The following PSMB2 variants were observed in gnomAD, a reference collection of about 807,000 sequenced individuals.
The protein encoded by PSMB2 is proteasome 20S subunit beta 2.
PSMB2 carries 13 observed loss-of-function variants against 25.7 expected under a neutral mutation model. The observed-to-expected ratio is 0.51, with a 90% confidence interval of 0.33 to 0.80. PSMB2 has a LOEUF of 0.80. Ranked by LOEUF, PSMB2 falls within the 30% of genes least tolerant of loss-of-function variation. PSMB2 has a pLI of 0.02. For synonymous variants in PSMB2, 87 were observed against 96.2 expected (o/e 0.90, Z 0.56); for missense variants, 202 against 259.0 (o/e 0.78, Z 1.51).
intron 3 of PSMB2, among the ~76,000 whole-genome samples, chr1:35,629,879 A>G (rs1045290663): frequency 2.6e-5 from 4 of 152,114 alleles, no homozygotes; most frequent in African/African-American, 9.7e-5. Context: ...ATAAAAATCC[A>G]CATTACCGGC....
At chr1:35,615,952 G>A (rs903037439) in intron 3 of PSMB2, among the ~76,000 whole-genome samples, 3 of 152,176 alleles carry the variant, frequency 2.0e-5, no homozygotes, top group African/African-American at 7.2e-5. Flanking sequence ...GACTTTGAAA[G>A]GAACAGTACA....
intron 3 of PSMB2, among the ~76,000 whole-genome samples, chr1:35,618,857 C>T (rs1184209113): frequency 6.6e-6 from 1 of 152,166 alleles, no homozygotes; most frequent in African/African-American, 2.4e-5. Context: ...AGTTAAACAC[C>T]TGACTTTCTT....
At position 35,600,240 on chromosome 1, in the gene PSMB2, G is replaced by A. The variant is rs919749354; in HGVS notation, c.*3027C>T. 3.0e-6 allele frequency: 3 copies of A among 985,198 alleles called. No homozygotes were observed. The highest frequency in any genetic ancestry group is 3.5e-5 in the African/African-American group (2 of 57,218). 61.0% of individuals were successfully genotyped at this position (985,198 alleles called of 1,614,324 possible). A position where few individuals can be genotyped will look rare whatever the true frequency, so the allele number is the denominator to read the frequency against. ...ATGTAGAGACAGGAGATAAAGAATG[G>A]CATAAAAATGATGCCCAGCTAAATG... On this transcript the variant is annotated 3_prime_UTR_variant, in exon 6 of 6. Transcript: ENST00000373237.
rs1015168587 is a variant in PSMB2, at chr1:35,612,021, T to C, written c.286-2613A>G. ...GGAATTCTAAGCCAGCTGTGCTAAG[T>C]AGAAAGGGTTCCTAACATCGCCTGG... On this transcript the variant is annotated intron_variant, in intron 3 of 5. Transcript: ENST00000373237. 4.6e-5 allele frequency among the ~76,000 whole-genome samples: 7 copies of C among 152,048 alleles called. No individual in the cohort carries two copies. In the East Asian group the frequency reaches 1.3e-3, roughly 29 times the overall value.
chr1:35,629,460 ATAAG>A (rs997789365), intron 3 of PSMB2, among the ~76,000 whole-genome samples: 133 of 152,378 alleles, frequency 8.7e-4, no homozygotes, highest in African/African-American at 3.1e-3. Context: ...CAAGGCTAGA[ATAAG>A]TAAGGAGGAA....
intron 3 of PSMB2, among the ~76,000 whole-genome samples, chr1:35,628,627 A>T (rs1461245321): frequency 0.021 from 908 of 42,674 alleles, 31 homozygotes; most frequent in East Asian, 0.096. Context: ...ATATATATAT[A>T]TATATTTTTT....
At chr1:35,622,331 C>A (rs1428811080) in intron 3 of PSMB2, among the ~76,000 whole-genome samples, 1 of 152,096 alleles carries the variant, frequency 6.6e-6, no homozygotes, top group Non-Finnish European at 1.5e-5. Flanking sequence ...CAGACTGGGG[C>A]AAGTGATTTA....
chr1:35,608,306 T>G (rs1650228970), intron 4 of PSMB2, among the ~76,000 whole-genome samples: 1 of 150,578 alleles, frequency 6.6e-6, no homozygotes, highest in Admixed American at 6.6e-5. Flanking sequence ...CGGAGGTTGC[T>G]GTGAGCCGAG....
chr1:35,605,454 TG>T (rs529137699), intron 4 of PSMB2, among the ~76,000 whole-genome samples, 172 bp from the exon 5 acceptor site: 1 of 152,218 alleles, frequency 6.6e-6, no homozygotes, highest in East Asian at 1.9e-4. Context: ...CACATGCAGC[TG>T]GGGGGGCCCC....
In PSMB2 at chr1:35,601,488, A is replaced by C; in HGVS notation, c.*1779T>G. On this transcript the variant is annotated 3_prime_UTR_variant, in exon 6 of 6. Coordinates refer to ENST00000373237, the MANE Select transcript of PSMB2 (RefSeq NM_002794.5). The stretch of plus-strand genomic sequence containing the variant: ...TGAATCAACTGTAGTGACGTGAATC[A>C]TCTCTTTTCTCCCATTTACTCAATG... 1.0e-6 allele frequency: 1 copy of C among 985,386 alleles called. No homozygotes were observed. The highest frequency in any genetic ancestry group is 1.2e-6 in the Non-Finnish European group (1 of 829,922). The allele number at this position is 985,386 out of a possible 1,614,324, so 61.0% of individuals were successfully genotyped here. A position where few individuals can be genotyped will look rare whatever the true frequency, so the allele number is the denominator to read the frequency against.
At chr1:35,609,896 A>AAT (rs753884026) in intron 3 of PSMB2, among the ~76,000 whole-genome samples, 2 of 152,146 alleles carry the variant, frequency 1.3e-5, no homozygotes, top group Admixed American at 1.3e-4. Context: ...CCATATACCC[A>AAT]ATATATATAT....
At chr1:35,627,704 T>C (rs78194960) in intron 3 of PSMB2, among the ~76,000 whole-genome samples, 3,088 of 152,276 alleles carry the variant, frequency 0.02, 90 homozygotes, top group East Asian at 0.061. Flanking sequence ...TAATAACTTT[T>C]TGAAATTGGT....
chr1:35,605,089 C>G lies in PSMB2; in HGVS notation c.498+144G>C. ...GCTTGCTATCCACACCAAACTCTAT[C>G]CCTGGTAGCAACTTCACATCTGGTT... On this transcript the variant is annotated intron_variant, in intron 5 of 5. Coordinates refer to ENST00000373237, the MANE Select transcript of PSMB2 (RefSeq NM_002794.5). 3 of 700,176 alleles carry G rather than the reference C, an allele frequency of 4.3e-6. No homozygotes were observed. The South Asian group carries it at 5.7e-5, about 13-fold the overall frequency. The allele number at this position is 700,176 out of a possible 1,614,324, so 43.4% of individuals were successfully genotyped here.
intron 1 of PSMB2, among the ~76,000 whole-genome samples, chr1:35,636,832 T>A (rs1401123641): frequency 1.3e-5 from 2 of 152,112 alleles, no homozygotes; most frequent in Admixed American, 6.6e-5. Context: ...TCTGCAGGGG[T>A]TCTGGAACCA....
At chr1:35,620,886 G>A (rs182614169) in intron 3 of PSMB2, among the ~76,000 whole-genome samples, 3 of 151,816 alleles carry the variant, frequency 2.0e-5, no homozygotes, top group Non-Finnish European at 2.9e-5. Context: ...GGCTGGTCTC[G>A]AACTCCTGGC....
In PSMB2 at chr1:35,611,843, G is replaced by A. The variant is rs914998365; in HGVS notation, c.286-2435C>T. On this transcript the variant is annotated intron_variant, in intron 3 of 5. Transcript: ENST00000373237. ...CTCTATCTCCAAAAAAAAAAGGAGA[G>A]AGAGAGAGAGAGAGATGGGGTCTCA... Among the ~76,000 whole-genome samples, 54 of 151,492 alleles carry A rather than the reference G, an allele frequency of 3.6e-4. 1 individual carries two copies. The highest frequency in any genetic ancestry group is 1.3e-3 in the African/African-American group (54 of 41,298).
chr1:35,614,420 A>G (rs186956931), intron 3 of PSMB2, among the ~76,000 whole-genome samples: 5 of 152,346 alleles, frequency 3.3e-5, no homozygotes, highest in Non-Finnish European at 7.3e-5. Flanking sequence ...AAGATTACCA[A>G]GAATCTTTTA....
In PSMB2 at chr1:35,619,234, G is replaced by A. The variant is rs538031860; in HGVS notation, c.286-9826C>T. On this transcript the variant is annotated intron_variant, in intron 3 of 5. Coordinates refer to ENST00000373237, the MANE Select transcript of PSMB2 (RefSeq NM_002794.5). ...ATACACTGGTAAAAACTCATATAACGGTTGAGTTCTTGAACTTAAGCTCAG... is the reference window on the plus strand; with the variant it reads ...ATACACTGGTAAAAACTCATATAACAGTTGAGTTCTTGAACTTAAGCTCAG... Among the ~76,000 whole-genome samples, 22 of 152,190 alleles carry A rather than the reference G, an allele frequency of 1.4e-4. No individual in the cohort carries two copies. The South Asian group carries it at 4.6e-3, about 32-fold the overall frequency.
chr1:35,617,125 T>G (rs1327287303), intron 3 of PSMB2, among the ~76,000 whole-genome samples: 1 of 152,156 alleles, frequency 6.6e-6, no homozygotes, highest in Non-Finnish European at 1.5e-5. Flanking sequence ...CTCGGCTCAC[T>G]GCAACCTCCA....
Sources: gnomAD v4.1 joint callset for allele counts (sites outside exome capture counted in the v4.1 genomes callset) on GRCh38, gnomAD v4.1.1 for gene constraint, MANE v1.5 for transcripts, NCBI Gene and HGNC (gene_info 2026-07-23, HGNC 2026-07-21) for gene names.